Variants in HECW1 observed in about 807,000 individuals in gnomAD.
HECW1 encodes the protein E3 ubiquitin-protein ligase HECW1.
In HECW1, 61 loss-of-function variants were observed where a neutral mutation model predicts 182.3. The observed-to-expected ratio is 0.33, with a 90% CI of 0.27 to 0.41. HECW1 has a LOEUF of 0.41. HECW1 is among the 10% of genes least tolerant of loss of function. The pLI is 1.00. For synonymous variants in HECW1, 859 were observed against 832.6 expected (o/e 1.03, Z -0.55); for missense variants, 1,739 against 2,108.9 (o/e 0.82, Z 3.44).
chr7:43,541,093 A>C lies in HECW1; in HGVS notation c.4020-70A>C, dbSNP rs111821262. 6,020 of 1,234,830 alleles carry C rather than the reference A, an allele frequency of 4.9e-3. 23 individuals carry two copies. The highest frequency in any genetic ancestry group is 0.015 in the Middle Eastern group (80 of 5,340). 76.5% of individuals were successfully genotyped at this position (1,234,830 alleles called of 1,614,324 possible). A position where few individuals can be genotyped will look rare whatever the true frequency, so the allele number is the denominator to read the frequency against. Reference sequence around the variant, plus strand: ...ATGAATGCTCAAACACATCAAATAAAAGTGCAAACTAAAATATTTAACAAT... The same window carrying C: ...ATGAATGCTCAAACACATCAAATAACAGTGCAAACTAAAATATTTAACAAT... On this transcript the variant is annotated intron_variant, in intron 24 of 29. Transcript: ENST00000395891.
chr7:43,537,011 T>C (rs959742037), intron 24 of HECW1, among the ~76,000 whole-genome samples: 2 of 152,182 alleles, frequency 1.3e-5, no homozygotes, highest in East Asian at 1.9e-4. Flanking sequence ...TTGCAGAGGC[T>C]GAGACGGTAG....
At chr7:43,560,443 C>T (rs771471199) in intron 29 of HECW1, among the ~76,000 whole-genome samples, 17 of 152,066 alleles carry the variant, frequency 1.1e-4, no homozygotes, top group Non-Finnish European at 5.9e-5. Flanking sequence ...GGAGCTTGAG[C>T]GGGGAAAGGG....
chr7:43,461,950 A>C (rs1251479468), intron 13 of HECW1, among the ~76,000 whole-genome samples: 1 of 152,254 alleles, frequency 6.6e-6, no homozygotes, highest in East Asian at 1.9e-4. Context: ...TTAGAAATGC[A>C]GATTTTTCTT....
At chr7:43,493,234 C>G in intron 19 of HECW1, 54 bp downstream of exon 19, 2 of 1,233,034 alleles carry the variant, frequency 1.6e-6, no homozygotes, top group Non-Finnish European at 2.4e-6. Context: ...CCATTTTTCC[C>G]GGTGGGAAAA....
chr7:43,301,147 G>A (rs1806720826), intron 3 of HECW1, among the ~76,000 whole-genome samples: 2 of 152,116 alleles, frequency 1.3e-5, no homozygotes, highest in Admixed American at 1.3e-4. Flanking sequence ...ATTTCTTGGT[G>A]TGCCATGGGA....
rs374775594 is a variant in HECW1 at position 43,169,750 on chromosome 7, A to G, written c.-32+55359A>G. ...GTCGCCCAGGCTAGAGTACAGTGGC[A>G]TGATCTCGGCTCACTGCAAGCTTCG... On this transcript the variant is annotated intron_variant, in intron 2 of 29. Transcript: ENST00000395891. 3.4e-3 allele frequency among the ~76,000 whole-genome samples: 455 copies of G among 134,718 alleles called. 2 individuals are homozygous for G. The highest frequency in any genetic ancestry group is 0.013 in the African/African-American group (445 of 34,568). The allele number at this position is 134,718 out of a possible 152,430, so 88.4% of individuals were successfully genotyped here.
chr7:43,482,149 G>C (rs376666956), intron 17 of HECW1, among the ~76,000 whole-genome samples: 28 of 152,238 alleles, frequency 1.8e-4, no homozygotes, highest in African/African-American at 6.3e-4. Flanking sequence ...GCTTTTGGCT[G>C]ACAGAAGAGG....
intron 19 of HECW1, among the ~76,000 whole-genome samples, chr7:43,500,186 C>T (rs1222361998): frequency 3.3e-5 from 5 of 151,690 alleles, no homozygotes; most frequent in Non-Finnish European, 7.4e-5. Context: ...CTGCAACTTC[C>T]GCCTCCCGGT....
At chr7:43,255,705 C>A (rs1447292796) in intron 3 of HECW1, among the ~76,000 whole-genome samples, 1 of 151,928 alleles carries the variant, frequency 6.6e-6, no homozygotes, top group African/African-American at 2.4e-5. Flanking sequence ...GTGCCAGGTG[C>A]AGGAGATGAC....
intron 3 of HECW1, among the ~76,000 whole-genome samples, chr7:43,244,361 G>T (rs1799169547): frequency 6.6e-6 from 1 of 152,162 alleles, no homozygotes; most frequent in Admixed American, 6.5e-5. Context: ...GCCATCCTCT[G>T]GGAGGCTGAT....
At chr7:43,551,501 A>C (rs1271516623) in intron 27 of HECW1, among the ~76,000 whole-genome samples, 1 of 152,202 alleles carries the variant, frequency 6.6e-6, no homozygotes, top group Non-Finnish European at 1.5e-5. Context: ...TTACATTTTA[A>C]GTGAAATAGT....
chr7:43,390,781 C>T (rs1480516559), intron 6 of HECW1, among the ~76,000 whole-genome samples: 7 of 152,054 alleles, frequency 4.6e-5, no homozygotes, highest in Non-Finnish European at 4.4e-5. Flanking sequence ...CACAGGCCTC[C>T]GTTACAACTG....
At chr7:43,253,663 G>T (rs1224460500) in intron 3 of HECW1, among the ~76,000 whole-genome samples, 1 of 152,124 alleles carries the variant, frequency 6.6e-6, no homozygotes, top group Non-Finnish European at 1.5e-5. Context: ...TGTGCATTGG[G>T]AGGCCGAGGA....
intron 3 of HECW1, among the ~76,000 whole-genome samples, chr7:43,310,245 T>A (rs963972134): frequency 5.9e-5 from 9 of 152,098 alleles, no homozygotes; most frequent in Non-Finnish European, 1.3e-4. Context: ...TTTACTGAGA[T>A]CCTCCCTGAA....
chr7:43,459,071 G>T (rs2077493272), intron 13 of HECW1, among the ~76,000 whole-genome samples: 1 of 151,338 alleles, frequency 6.6e-6, no homozygotes, highest in Non-Finnish European at 1.5e-5. Flanking sequence ...TGCTCCCATG[G>T]CAGGAAAATG....
intron 17 of HECW1, among the ~76,000 whole-genome samples, chr7:43,487,000 A>C (rs748680530): frequency 1.3e-5 from 2 of 152,252 alleles, no homozygotes; most frequent in Non-Finnish European, 2.9e-5. Flanking sequence ...TATTATAAAA[A>C]TATTGAACAA....
At chr7:43,534,952 A>T (rs1468782337) in intron 24 of HECW1, among the ~76,000 whole-genome samples, 1 of 152,196 alleles carries the variant, frequency 6.6e-6, no homozygotes, top group East Asian at 1.9e-4. Context: ...ACTGACCTCC[A>T]CTAGTCCTTG....
intron 3 of HECW1, among the ~76,000 whole-genome samples, chr7:43,276,344 GTAAA>G (rs1472385315): frequency 2.6e-5 from 4 of 152,148 alleles, no homozygotes; most frequent in African/African-American, 9.7e-5. Flanking sequence ...GTCCCAGCAA[GTAAA>G]TAGAGACCTC....
chr7:43,149,308 A>G (rs1036745000), intron 2 of HECW1, among the ~76,000 whole-genome samples: 7 of 152,222 alleles, frequency 4.6e-5, no homozygotes, highest in African/African-American at 1.7e-4. Context: ...AGAAAGACAC[A>G]TCACTTCTGT....
Sources: allele counts gnomAD v4.1 joint callset (sites outside exome capture counted in the v4.1 genomes callset), GRCh38; gene constraint gnomAD v4.1.1; transcripts MANE v1.5; gene names NCBI Gene and HGNC (gene_info 2026-07-23, HGNC 2026-07-21).